N4BP2: variants seen among roughly 807,000 people sequenced by gnomAD.
The protein encoded by N4BP2 is NEDD4-binding protein 2.
A neutral mutation model predicts 152.8 loss-of-function variants in N4BP2; 91 were observed. The observed-to-expected ratio is 0.60, with a 90% CI of 0.50 to 0.71. The LOEUF (loss-of-function observed/expected upper bound fraction) is 0.71. Ranked by LOEUF, N4BP2 falls within the 30% of genes least tolerant of loss-of-function variation. The pLI, the probability that N4BP2 is intolerant of heterozygous loss-of-function variation, is 0.00. For synonymous variants in N4BP2, 646 were observed against 705.3 expected (o/e 0.92, Z 1.33); for missense variants, 1,923 against 2,059.1 (o/e 0.93, Z 1.28).
At chr4:40,059,234 AT>A (rs1733468691) in intron 1 of N4BP2, among the ~76,000 whole-genome samples, 1 of 152,136 alleles carries the variant, frequency 6.6e-6, no homozygotes, top group African/African-American at 2.4e-5. Context: ...TAGTTAATGA[AT>A]TTCAGAAAAA....
At chr4:40,112,248 T>A in intron 6 of N4BP2, 76 bp downstream of exon 6, 1 of 839,480 alleles carries the variant, frequency 1.2e-6, no homozygotes, top group Non-Finnish European at 1.9e-6. Flanking sequence ...TGAAAGTGAA[T>A]CTGAAGCACT....
chr4:40,068,434 T>A (rs1165032622), intron 1 of N4BP2, among the ~76,000 whole-genome samples: 1 of 152,110 alleles, frequency 6.6e-6, no homozygotes, highest in Non-Finnish European at 1.5e-5. Flanking sequence ...CTTCTACGAG[T>A]TTTAAGTTTA....
the N4BP2 span, among the ~76,000 whole-genome samples, chr4:40,175,827 AG>A: frequency 1.3e-4 from 19 of 150,558 alleles, no homozygotes; most frequent in East Asian, 1.4e-3. Flanking sequence ...AAAAAAAAAA[AG>A]GCCTGTATTC....
chr4:40,141,987 C>T (rs1720034665), intron 14 of N4BP2, among the ~76,000 whole-genome samples: 1 of 152,070 alleles, frequency 6.6e-6, no homozygotes, highest in African/African-American at 2.4e-5. Flanking sequence ...ACTCGGCAAG[C>T]TGAGGCAGGA....
intron 1 of N4BP2, among the ~76,000 whole-genome samples, chr4:40,070,490 C>T (rs1712041173): frequency 1.3e-5 from 2 of 151,910 alleles, no homozygotes; most frequent in Non-Finnish European, 2.9e-5. Context: ...GCTCTGTTGC[C>T]CAGACTAGAG....
chr4:40,060,395 C>T (rs78445388), intron 1 of N4BP2, among the ~76,000 whole-genome samples: 1,741 of 152,082 alleles, frequency 0.011, 39 homozygotes, highest in African/African-American at 0.04. Flanking sequence ...CAGGTGCACA[C>T]GATCACGCCC....
At chr4:40,132,009 A>G in intron 13 of N4BP2, 90 bp downstream of exon 13, 1 of 866,820 alleles carries the variant, frequency 1.2e-6, no homozygotes, top group Admixed American at 1.9e-5. Context: ...AAAATAATGT[A>G]AGTCTACAGT....
chr4:40,132,476 A>G (rs1445640237), intron 13 of N4BP2, among the ~76,000 whole-genome samples: 42 of 152,168 alleles, frequency 2.8e-4, no homozygotes, highest in Admixed American at 2.7e-3. Context: ...CCAAATGACT[A>G]ACCAAATGAA....
intron 1 of N4BP2, among the ~76,000 whole-genome samples, chr4:40,058,592 GT>G (rs1488530380): frequency 6.6e-6 from 1 of 152,172 alleles, no homozygotes; most frequent in Non-Finnish European, 1.5e-5. Flanking sequence ...ACGAATGCCA[GT>G]TTGTGTACTT....
chr4:40,190,464 A>G, the N4BP2 span, among the ~76,000 whole-genome samples: 1 of 152,236 alleles, frequency 6.6e-6, no homozygotes, highest in Non-Finnish European at 1.5e-5. Context: ...AACACATGAC[A>G]TTAGAATCCT....
At chr4:40,167,219 G>T in the N4BP2 span, 3 of 152,150 alleles carry the variant, frequency 2.0e-5, no homozygotes, top group Non-Finnish European at 2.9e-5. Context: ...AGATCCAAGA[G>T]ATCTAATTTG....
At chr4:40,139,975 T>C (rs1191188223) in intron 14 of N4BP2, among the ~76,000 whole-genome samples, 1 of 151,412 alleles carries the variant, frequency 6.6e-6, no homozygotes, top group African/African-American at 2.4e-5. Flanking sequence ...AATTTTTGTA[T>C]TTTTTGTAGA....
chr4:40,113,839 G>A (rs1247858229), intron 7 of N4BP2, among the ~76,000 whole-genome samples: 8 of 152,052 alleles, frequency 5.3e-5, no homozygotes, highest in Non-Finnish European at 4.4e-5. Context: ...CGATCCTCCT[G>A]CCTCTGCCTC....
Position 40,157,472 on chromosome 4 carries a change from A to C in N4BP2, c.*3235A>C, listed in dbSNP as rs1175988794. 2 of 152,108 alleles carry C rather than the reference A, an allele frequency of 1.3e-5. No homozygotes were observed. The highest frequency in any genetic ancestry group is 2.9e-5 in the Non-Finnish European group (2 of 67,992). The allele number at this position is 152,108 out of a possible 1,614,324, so 9.4% of individuals were successfully genotyped here. ...AGTGTTTTGTATGCTTAGAAAGTAGACATGTATAATATTGAGATCGGTTAT... is the reference window on the plus strand; with the variant it reads ...AGTGTTTTGTATGCTTAGAAAGTAGCCATGTATAATATTGAGATCGGTTAT... On this transcript the variant is annotated 3_prime_UTR_variant, in exon 18 of 18. Coordinates refer to ENST00000261435, the MANE Select transcript of N4BP2 (RefSeq NM_018177.6).
chr4:40,073,011 G>A lies in N4BP2; in HGVS notation c.-211-444G>A, dbSNP rs376601198. 2.6e-5 allele frequency among the ~76,000 whole-genome samples: 4 copies of A among 152,074 alleles called. No homozygotes were observed. The South Asian group carries it at 6.2e-4, about 24-fold the overall frequency. On this transcript the variant is annotated intron_variant, in intron 1 of 17. Transcript: ENST00000261435. ...GTTGGGATTACAGGTGTGAGCCACC[G>A]CACCTGGCCAGGTCAATTTCTTTAC...
intron 9 of N4BP2, among the ~76,000 whole-genome samples, chr4:40,122,767 C>A (rs895434166): frequency 6.6e-6 from 1 of 152,112 alleles, no homozygotes; most frequent in African/African-American, 2.4e-5. Context: ...TACGGATGAA[C>A]CTTTTAAAAT....
intron 13 of N4BP2, among the ~76,000 whole-genome samples, chr4:40,133,271 A>G (rs1719058559): frequency 6.6e-6 from 1 of 152,078 alleles, no homozygotes; most frequent in Non-Finnish European, 1.5e-5. Context: ...ATTTTGATAC[A>G]TATTTTAATT....
intron 3 of N4BP2, among the ~76,000 whole-genome samples, chr4:40,101,590 A>C (rs116776643): frequency 2.0e-5 from 3 of 152,252 alleles, no homozygotes; most frequent in Admixed American, 6.5e-5. Flanking sequence ...TCTGATATGC[A>C]GTACATGCTC....
chr4:40,179,791 T>C, the N4BP2 span, among the ~76,000 whole-genome samples: 1 of 142,250 alleles, frequency 7.0e-6, no homozygotes. Flanking sequence ...TGAGACGGAG[T>C]TTCACTCTTG....
Sources: gnomAD v4.1 joint callset for allele counts (sites outside exome capture counted in the v4.1 genomes callset) on GRCh38, gnomAD v4.1.1 for gene constraint, MANE v1.5 for transcripts, NCBI Gene and HGNC (gene_info 2026-07-23, HGNC 2026-07-21) for gene names.